FLNB: variants seen among roughly 807,000 people sequenced by gnomAD.
FLNB encodes filamin B.
FLNB carries 111 observed loss-of-function variants against 250.6 expected under a neutral mutation model. The ratio of observed to expected loss-of-function variants is 0.44; its 90% confidence interval spans 0.38 to 0.52. FLNB has a LOEUF of 0.52. FLNB is among the 20% of genes least tolerant of loss of function. The pLI is 0.00. For missense variants in FLNB, 2,869 were observed against 3,447.8 expected, an observed-to-expected ratio of 0.83 and a Z score of 4.20; for synonymous variants, 1,302 against 1,372.1, an observed-to-expected ratio of 0.95 and a Z score of 1.13.
chr3:58,162,700 C>T (rs1209135580), intron 42 of FLNB: 1 of 219,378 alleles, frequency 4.6e-6, no homozygotes, highest in Non-Finnish European at 9.2e-6. Flanking sequence ...ACCTGGAGTT[C>T]AGCTGAGTAA....
chr3:58,085,871 C>A (rs1258876485), intron 4 of FLNB, among the ~76,000 whole-genome samples: 1 of 152,134 alleles, frequency 6.6e-6, no homozygotes, highest in Non-Finnish European at 1.5e-5. Flanking sequence ...CATGGTTAGC[C>A]ACGGGTGACC....
At chr3:58,132,472 C>A in intron 25 of FLNB, 1 of 435,998 alleles carries the variant, frequency 2.3e-6, no homozygotes, top group South Asian at 2.2e-5. Context: ...CGTGCCTAAC[C>A]AGCTTGAAAG....
At chr3:58,159,838 T>C (rs2097358724) in intron 42 of FLNB, 152 bp downstream of exon 42, 4 of 844,050 alleles carry the variant, frequency 4.7e-6, no homozygotes, top group East Asian at 2.7e-5. Flanking sequence ...GTTTATAAAT[T>C]AGGGTTTAAA....
At chr3:58,103,322 G>T (rs1331048188) in intron 9 of FLNB, among the ~76,000 whole-genome samples, 1 of 151,838 alleles carries the variant, frequency 6.6e-6, no homozygotes, top group Non-Finnish European at 1.5e-5. Flanking sequence ...CTGCGTATGT[G>T]TGCGTACGTG....
intron 13 of FLNB, among the ~76,000 whole-genome samples, 200 bp from the exon 14 acceptor site, chr3:58,108,979 T>A (rs1403617324): frequency 1.3e-5 from 2 of 152,242 alleles, no homozygotes; most frequent in African/African-American, 4.8e-5. Flanking sequence ...TTGCTCTTAA[T>A]AACTAAAAAT....
intron 1 of FLNB, among the ~76,000 whole-genome samples, chr3:58,029,539 C>A (rs544302561): frequency 6.7e-6 from 1 of 149,082 alleles, no homozygotes; most frequent in East Asian, 2.0e-4. Flanking sequence ...GAGTCTTGCT[C>A]TGTCGCCCAG....
At position 58,106,352 on chromosome 3, in the gene FLNB, CTATATATATATA is replaced by C. The variant is rs10540627; in HGVS notation, c.1748-314_1748-303del. On this transcript the variant is annotated intron_variant, in intron 11 of 45. Transcript: ENST00000295956. ...TAAAATACATATAATGTATTTAATA[CTATATATATATA>C]TATATATATATATCCTCCTGGCCTC... 4.1e-3 allele frequency among the ~76,000 whole-genome samples: 551 copies of C among 132,978 alleles called. 8 individuals carry two copies. The highest frequency in any genetic ancestry group is 0.014 in the African/African-American group (512 of 36,866). The allele number at this position is 132,978 out of a possible 152,430, so 87.2% of individuals were successfully genotyped here.
chr3:58,073,183 A>ATTTAC (rs2097197197), intron 1 of FLNB, among the ~76,000 whole-genome samples: 1 of 151,906 alleles, frequency 6.6e-6, no homozygotes, highest in African/African-American at 2.4e-5. Flanking sequence ...TTATTTACTT[A>ATTTAC]TTTATTGTTT....
chr3:58,078,549 A>T, intron 2 of FLNB, 168 bp from the exon 3 acceptor site: 2 of 1,535,446 alleles, frequency 1.3e-6, no homozygotes, highest in Non-Finnish European at 1.7e-6. Context: ...ACCCTGGCAC[A>T]CTCATACCTG....
intron 20 of FLNB, among the ~76,000 whole-genome samples, chr3:58,122,840 G>T (rs954968888): frequency 1.3e-5 from 2 of 152,182 alleles, no homozygotes; most frequent in Admixed American, 1.3e-4. Flanking sequence ...GGAGAGAGGA[G>T]AGTCTTGGAG....
At chr3:58,024,725 T>TTTTTTTTTTTTTTTTTTTTTTTTTTTTG (rs2097120588) in intron 1 of FLNB, among the ~76,000 whole-genome samples, 1 of 102,596 alleles carries the variant, frequency 9.7e-6, no homozygotes, top group Non-Finnish European at 1.6e-5. Flanking sequence ...TTTTTTTTTT[T>TTTTTTTTTTTTTTTTTTTTTTTTTTTTG]TTTAACCTTG....
At chr3:58,116,134 C>T (rs1225011021) in intron 18 of FLNB, among the ~76,000 whole-genome samples, 3 of 152,026 alleles carry the variant, frequency 2.0e-5, no homozygotes, top group East Asian at 1.9e-4. Flanking sequence ...AGGAGTGATG[C>T]CAACACCTCC....
chr3:58,095,412 C>T (rs1192354041), intron 5 of FLNB, among the ~76,000 whole-genome samples: 4 of 152,042 alleles, frequency 2.6e-5, no homozygotes, highest in East Asian at 1.9e-4. Flanking sequence ...CCTGCCACCA[C>T]GCCTGGCTAA....
intron 25 of FLNB, 26 bp downstream of exon 25, chr3:58,130,934 A>G (rs1054204162): frequency 1.9e-6 from 3 of 1,601,876 alleles, no homozygotes; most frequent in Admixed American, 1.7e-5. Flanking sequence ...GCCTTCCTGC[A>G]GACATTCATC....
At chr3:58,078,571 G>A in intron 2 of FLNB, 146 bp from the exon 3 acceptor site, 1 of 1,527,924 alleles carries the variant, frequency 6.5e-7, no homozygotes, top group Non-Finnish European at 8.8e-7. Flanking sequence ...GATACTTTTT[G>A]CCTATTAAAT....
chr3:58,162,189 A>C (rs1219971951), intron 42 of FLNB, among the ~76,000 whole-genome samples: 1 of 152,190 alleles, frequency 6.6e-6, no homozygotes, highest in Non-Finnish European at 1.5e-5. Flanking sequence ...GTCCAGAGGC[A>C]GGGAGAAGAG....
Position 58,171,293 on chromosome 3 carries a change from C to G in FLNB, c.*531C>G, listed in dbSNP as rs1013617457. On this transcript the variant is annotated 3_prime_UTR_variant, in exon 46 of 46. Coordinates refer to ENST00000295956, the MANE Select transcript of FLNB (RefSeq NM_001457.4). This position sits in a 1 kb window ranked among gnomAD's most constrained non-coding sequence, Gnocchi z 5.5. ...GCTTTACCGCTCCTCATCGCCAACA[C>G]CCCCATGCTCTGTGGCCTTCTTACA... is the stretch of plus-strand genomic sequence containing the variant. 1 of 165,962 alleles carries G rather than the reference C, an allele frequency of 6.0e-6. No individual in the cohort carries two copies. Among genetic ancestry groups the G allele is most frequent in the Non-Finnish European group, 1.3e-5 (1 of 76,680 alleles). The allele number at this position is 165,962 out of a possible 1,614,324, so 10.3% of individuals were successfully genotyped here. A position where few individuals can be genotyped will look rare whatever the true frequency, so the allele number is the denominator to read the frequency against.
Position 58,154,786 on chromosome 3 carries a change from C to G in FLNB, c.6635-5C>G, listed in dbSNP as rs776988526. ...GTCACTAACCAGGTTTCTCTTTGCT[C>G]TCAGCTGAGTTCAGCATTTGGACCC... On this transcript the variant is annotated splice_region_variant and splice_polypyrimidine_tract_variant and intron_variant, in intron 39 of 45. Transcript: ENST00000295956. 8 of 1,613,896 alleles carry G rather than the reference C, an allele frequency of 5.0e-6. No homozygotes were observed. Among genetic ancestry groups the G allele is most frequent in the Non-Finnish European group, 6.8e-6 (8 of 1,179,980 alleles).
At chr3:58,138,626 T>C in intron 29 of FLNB, 97 bp downstream of exon 29, 4 of 1,527,076 alleles carry the variant, frequency 2.6e-6, no homozygotes, top group South Asian at 2.2e-5. Context: ...CTTCACCTTT[T>C]TTTTCCTTTG....
Sources: gnomAD v4.1 joint callset for allele counts (sites outside exome capture counted in the v4.1 genomes callset) on GRCh38, gnomAD v4.1.1 for gene constraint, Gnocchi (gnomAD v3.1) non-coding constraint, MANE v1.5 for transcripts, NCBI Gene and HGNC (gene_info 2026-07-23, HGNC 2026-07-21) for gene names.